The following DPP6 variants were observed in gnomAD, a reference collection of about 807,000 sequenced individuals.
DPP6 encodes A-type potassium channel modulatory protein DPP6.
DPP6 carries 69 observed loss-of-function variants against 122.6 expected under a neutral mutation model. The ratio of observed to expected loss-of-function variants is 0.56; its 90% CI spans 0.46 to 0.69. The LOEUF is 0.69. Among genes scored for constraint, DPP6 ranks in the 30% least tolerant of loss-of-function variants. DPP6 has a pLI of 0.00. For synonymous variants in DPP6, 418 were observed against 433.1 expected (o/e 0.97, Z 0.43); for missense variants, 928 against 1,116.9 (o/e 0.83, Z 2.41).
At chr7:154,149,886 C>G (rs1796322540) in intron 1 of DPP6, among the ~76,000 whole-genome samples, 1 of 152,122 alleles carries the variant, frequency 6.6e-6, no homozygotes, top group Non-Finnish European at 1.5e-5. Flanking sequence ...ATGGGCAGCT[C>G]AGACCACCGG....
At chr7:154,179,740 A>G (rs986865895) in intron 1 of DPP6, among the ~76,000 whole-genome samples, 1 of 152,216 alleles carries the variant, frequency 6.6e-6, no homozygotes, top group Non-Finnish European at 1.5e-5. Flanking sequence ...TATAAACACA[A>G]CATGTGAAGT....
chr7:154,132,129 G>A (rs1795312113), intron 1 of DPP6, among the ~76,000 whole-genome samples: 1 of 151,880 alleles, frequency 6.6e-6, no homozygotes, highest in African/African-American at 2.4e-5. Flanking sequence ...GTTCTACCTG[G>A]TCACAATTTG....
chr7:154,384,972 TTTTA>T (rs1157453151), intron 1 of DPP6, among the ~76,000 whole-genome samples: 1 of 151,850 alleles, frequency 6.6e-6, no homozygotes. Flanking sequence ...GTTTTTTAAA[TTTTA>T]TTTATTTATT....
At chr7:154,674,733 G>A (rs1838781687) in intron 7 of DPP6, among the ~76,000 whole-genome samples, 2 of 152,188 alleles carry the variant, frequency 1.3e-5, no homozygotes, top group African/African-American at 2.4e-5. Context: ...GAAGAGCAGT[G>A]GAGTAGTTAG....
At chr7:154,860,442 C>T (rs1406744465) in intron 17 of DPP6, among the ~76,000 whole-genome samples, 1 of 152,176 alleles carries the variant, frequency 6.6e-6, no homozygotes, top group East Asian at 1.9e-4. Flanking sequence ...GGAAGGACCC[C>T]AGGTTGCAGA....
At chr7:154,722,173 C>G (rs1841851685) in intron 7 of DPP6, among the ~76,000 whole-genome samples, 1 of 152,164 alleles carries the variant, frequency 6.6e-6, no homozygotes, top group African/African-American at 2.4e-5. Context: ...CCAGCCTGCA[C>G]AACAGAGAAA....
chr7:154,016,084 G>T (rs143321621), intron 1 of DPP6, among the ~76,000 whole-genome samples: 1 of 151,960 alleles, frequency 6.6e-6, no homozygotes, highest in Non-Finnish European at 1.5e-5. Context: ...CCTCTGCCCC[G>T]AAGGCTCTCT....
chr7:154,706,425 T>G (rs10261505), intron 7 of DPP6, among the ~76,000 whole-genome samples: 53,766 of 152,016 alleles, frequency 0.35, 10,380 homozygotes, highest in East Asian at 0.51. Context: ...CTGTTGGCAC[T>G]TTTTAAACTT....
At chr7:154,180,480 TTA>T (rs1405277309) in intron 1 of DPP6, among the ~76,000 whole-genome samples, 1 of 145,968 alleles carries the variant, frequency 6.9e-6, no homozygotes, top group East Asian at 1.9e-4. Flanking sequence ...TTATATAATG[TTA>T]TATAAATAGA....
chr7:154,140,234 G>A (rs1455092564), intron 1 of DPP6, among the ~76,000 whole-genome samples: 4 of 152,156 alleles, frequency 2.6e-5, no homozygotes, highest in African/African-American at 9.6e-5. Context: ...GAAGAAAAGG[G>A]CCATATCTGA....
At chr7:154,103,522 G>A (rs1805911515) in intron 1 of DPP6, among the ~76,000 whole-genome samples, 1 of 152,222 alleles carries the variant, frequency 6.6e-6, no homozygotes, top group Non-Finnish European at 1.5e-5. Context: ...TGCCGTGATG[G>A]TGAATGTTAG....
chr7:154,390,675 T>C (rs1201324785), intron 1 of DPP6, among the ~76,000 whole-genome samples: 1 of 152,044 alleles, frequency 6.6e-6, no homozygotes. Flanking sequence ...GAAACGCAGG[T>C]GGAAGAAGCA....
intron 1 of DPP6, among the ~76,000 whole-genome samples, chr7:153,902,572 C>T (rs1290265096): frequency 1.3e-5 from 2 of 152,122 alleles, no homozygotes; most frequent in Non-Finnish European, 2.9e-5. Context: ...TGGTGGCTCA[C>T]ACCTGTAATC....
At chr7:154,210,246 C>T (rs1344503055) in intron 1 of DPP6, among the ~76,000 whole-genome samples, 1 of 152,176 alleles carries the variant, frequency 6.6e-6, no homozygotes, top group Non-Finnish European at 1.5e-5. Flanking sequence ...GTCATTAGGA[C>T]AGTCCTGCAG....
At chr7:154,392,977 C>T (rs1344957889) in intron 1 of DPP6, among the ~76,000 whole-genome samples, 3 of 152,170 alleles carry the variant, frequency 2.0e-5, no homozygotes, top group Non-Finnish European at 4.4e-5. Flanking sequence ...TATTGTCTTC[C>T]ACCATTCATC....
At chr7:154,328,369 C>T (rs974972821) in intron 1 of DPP6, among the ~76,000 whole-genome samples, 11 of 152,076 alleles carry the variant, frequency 7.2e-5, no homozygotes, top group Non-Finnish European at 1.0e-4. Context: ...AGGGAAGTAA[C>T]GACGGGCCTG....
chr7:154,510,014 T>A (rs1825941203), intron 3 of DPP6, among the ~76,000 whole-genome samples: 2 of 152,198 alleles, frequency 1.3e-5, no homozygotes, highest in South Asian at 4.1e-4. Context: ...AAATTAATTA[T>A]GATGGTGGGT....
intron 1 of DPP6, among the ~76,000 whole-genome samples, chr7:154,108,101 T>TA (rs1379667470): frequency 6.6e-6 from 1 of 152,218 alleles, no homozygotes; most frequent in Non-Finnish European, 1.5e-5. Context: ...CCCTGTTCTC[T>TA]ACCTTCTTTT....
chr7:153,816,649 A>G, the DPP6 span, among the ~76,000 whole-genome samples: 2 of 152,208 alleles, frequency 1.3e-5, no homozygotes, highest in African/African-American at 2.4e-5. Flanking sequence ...GCCACAGACC[A>G]AGATTTTGAC....
Sources: allele counts gnomAD v4.1 joint callset (sites outside exome capture counted in the v4.1 genomes callset), GRCh38; gene constraint gnomAD v4.1.1; transcripts MANE v1.5; gene names NCBI Gene and HGNC (gene_info 2026-07-23, HGNC 2026-07-21).